Variants in GABBR2 observed in about 807,000 individuals in gnomAD.
The protein encoded by GABBR2 is gamma-aminobutyric acid type B receptor subunit 2, also known as G-protein coupled receptor 51.
Under a neutral mutation model 105.6 loss-of-function variants are expected in GABBR2, and 23 were observed. That is an observed-to-expected ratio of 0.22 (90% CI 0.16 to 0.31). The LOEUF (loss-of-function observed/expected upper bound fraction) is 0.31, where lower values mean the gene tolerates loss of function less well. Among genes scored for constraint, GABBR2 ranks in the 10% least tolerant of loss-of-function variants. The pLI is 1.00. For synonymous variants in GABBR2, 478 were observed against 499.7 expected, an observed-to-expected ratio of 0.96 and a Z score of 0.58; for missense variants, 734 against 1,245.5, an observed-to-expected ratio of 0.59 and a Z score of 6.18.
rs774105738 is a variant in GABBR2, at chr9:98,338,017, G to A, written c.1893+24698C>T. Among the ~76,000 whole-genome samples, 16 of 152,102 alleles carry A rather than the reference G, an allele frequency of 1.1e-4. 1 individual carries two copies. The highest frequency in any genetic ancestry group is 3.9e-4 in the East Asian group (2 of 5,188). ...AGCCTGGGCGACAGAGTGAAACTCC[G>A]TCTCGAAAAAACCAAAACAAACAAG... On this transcript the variant is annotated intron_variant, in intron 13 of 18. Coordinates refer to ENST00000259455, the MANE Select transcript of GABBR2 (RefSeq NM_005458.8).
chr9:98,311,011 T>C, intron 14 of GABBR2, 84 bp downstream of exon 14: 1 of 757,204 alleles, frequency 1.3e-6, no homozygotes, highest in South Asian at 1.6e-5. Flanking sequence ...CTCTGTTTAT[T>C]TTTACATTGA....
At chr9:98,646,105 C>T (rs915579115) in intron 1 of GABBR2, among the ~76,000 whole-genome samples, 2 of 151,350 alleles carry the variant, frequency 1.3e-5, no homozygotes, top group Non-Finnish European at 2.9e-5. Context: ...CTAGAAAGAT[C>T]TGCTGGAGAG....
chr9:98,490,544 C>T lies in GABBR2; in HGVS notation c.732+5869G>A, dbSNP rs116051855. ...TCTTTAAAAGTTCCTGCTCTTTCCA[C>T]AAAAATATTTGGTCTCCAGAGCACC... On this transcript the variant is annotated intron_variant, in intron 4 of 18. Coordinates refer to ENST00000259455, the MANE Select transcript of GABBR2 (RefSeq NM_005458.8). Among the ~76,000 whole-genome samples the T allele has an allele frequency of 4.3e-3, 654 of 152,318 alleles. 8 individuals are homozygous for T. The highest frequency in any genetic ancestry group is 0.015 in the African/African-American group (619 of 41,560).
chr9:98,384,600 C>G (rs1832038647), intron 11 of GABBR2, among the ~76,000 whole-genome samples: 1 of 150,802 alleles, frequency 6.6e-6, no homozygotes, highest in Non-Finnish European at 1.5e-5. Flanking sequence ...CCAAAAAAAC[C>G]CAAAAAACAA....
chr9:98,658,877 T>C (rs1014620938), intron 1 of GABBR2, among the ~76,000 whole-genome samples: 6 of 152,086 alleles, frequency 3.9e-5, no homozygotes, highest in Non-Finnish European at 7.4e-5. Flanking sequence ...AGAAAGGAAA[T>C]AGACAAGAGC....
chr9:98,331,952 C>T (rs1372286851), intron 13 of GABBR2, among the ~76,000 whole-genome samples: 3 of 152,158 alleles, frequency 2.0e-5, no homozygotes, highest in African/African-American at 7.2e-5. Context: ...TAGCAAAGAG[C>T]CTTGATCACA....
At chr9:98,459,067 C>T (rs1018320534) in intron 6 of GABBR2, among the ~76,000 whole-genome samples, 5 of 152,162 alleles carry the variant, frequency 3.3e-5, no homozygotes, top group Admixed American at 1.3e-4. Context: ...TCGCATGCTA[C>T]GTGTTCCTGC....
chr9:98,637,701 CTAGAAG>C (rs1829899046), intron 1 of GABBR2, among the ~76,000 whole-genome samples: 1 of 152,104 alleles, frequency 6.6e-6, no homozygotes, highest in Non-Finnish European at 1.5e-5. Flanking sequence ...TAGGCAGCTT[CTAGAAG>C]CTGGAAAAGG....
intron 3 of GABBR2, among the ~76,000 whole-genome samples, chr9:98,514,533 G>A (rs1389012025): frequency 2.0e-5 from 3 of 150,450 alleles, no homozygotes; most frequent in African/African-American, 7.4e-5. Flanking sequence ...ACCATTCTCA[G>A]CAAACTATCG....
At chr9:98,363,937 G>T (rs1014948666) in intron 12 of GABBR2, among the ~76,000 whole-genome samples, 37 of 152,166 alleles carry the variant, frequency 2.4e-4, no homozygotes, top group Non-Finnish European at 4.3e-4. Flanking sequence ...AGTTCTGGAA[G>T]AGACTCATGG....
intron 2 of GABBR2, among the ~76,000 whole-genome samples, chr9:98,569,717 G>T (rs1221462624): frequency 6.6e-6 from 1 of 152,070 alleles, no homozygotes; most frequent in African/African-American, 2.4e-5. Context: ...ACCCCATCTG[G>T]TCTCTGTTTT....
chr9:98,446,947 C>A (rs898503547), intron 7 of GABBR2, among the ~76,000 whole-genome samples: 21 of 152,092 alleles, frequency 1.4e-4, no homozygotes, highest in Non-Finnish European at 4.4e-5. Flanking sequence ...GGAAGAATGA[C>A]CAGCCCCAAG....
chr9:98,397,635 A>T (rs367859015), intron 8 of GABBR2, among the ~76,000 whole-genome samples: 1 of 152,202 alleles, frequency 6.6e-6, no homozygotes, highest in African/African-American at 2.4e-5. Context: ...TCTTCCTGCC[A>T]TCTGTTCCTC....
At chr9:98,433,257 C>T (rs1214497071) in intron 7 of GABBR2, among the ~76,000 whole-genome samples, 3 of 152,178 alleles carry the variant, frequency 2.0e-5, no homozygotes, top group South Asian at 2.1e-4. Flanking sequence ...ACTGTCACTA[C>T]GTATGGCTTA....
intron 4 of GABBR2, among the ~76,000 whole-genome samples, chr9:98,495,485 C>A (rs1827259006): frequency 6.6e-6 from 1 of 152,040 alleles, no homozygotes; most frequent in African/African-American, 2.4e-5. Context: ...TTACAAACCT[C>A]CAGGAAGTCC....
intron 1 of GABBR2, among the ~76,000 whole-genome samples, chr9:98,621,637 CA>C (rs1191917236): frequency 2.0e-4 from 30 of 152,142 alleles, no homozygotes; most frequent in African/African-American, 6.5e-4. Flanking sequence ...CAACGGGAGC[CA>C]AATAATTAGC....
At chr9:98,594,077 C>T (rs1243192335) in intron 1 of GABBR2, among the ~76,000 whole-genome samples, 1 of 152,194 alleles carries the variant, frequency 6.6e-6, no homozygotes, top group African/African-American at 2.4e-5. Flanking sequence ...TCCCCAACAC[C>T]CCAACATCTC....
chr9:98,409,082 G>A (rs1832540282), intron 7 of GABBR2, among the ~76,000 whole-genome samples: 1 of 152,246 alleles, frequency 6.6e-6, no homozygotes, highest in Admixed American at 6.5e-5. Flanking sequence ...CTCAGGTGGG[G>A]AAGAGCTTGG....
At chr9:98,444,490 G>A (rs1275257207) in intron 7 of GABBR2, among the ~76,000 whole-genome samples, 1 of 152,150 alleles carries the variant, frequency 6.6e-6, no homozygotes, top group Admixed American at 6.5e-5. Flanking sequence ...TGCTTAGAAT[G>A]CTTCCTGGGA....
Sources: gnomAD v4.1 joint callset for allele counts (sites outside exome capture counted in the v4.1 genomes callset) on GRCh38, gnomAD v4.1.1 for gene constraint, MANE v1.5 for transcripts, NCBI Gene and HGNC (gene_info 2026-07-23, HGNC 2026-07-21) for gene names.